The following DACH1 variants were observed in gnomAD, a reference collection of about 807,000 sequenced individuals.
DACH1 encodes dachshund family transcription factor 1, also known as dachshund homolog 1.
A neutral mutation model predicts 54.2 loss-of-function variants in DACH1; 12 were observed. That is an observed-to-expected ratio of 0.22 (90% confidence interval 0.14 to 0.36). The LOEUF is 0.36. Among genes scored for constraint, DACH1 ranks in the 10% least tolerant of loss-of-function variants. The probability of loss-of-function intolerance (pLI) is 1.00; values close to 1 mark genes in which losing one functional copy is unlikely to be tolerated. For missense variants in DACH1, 805 were observed against 929.8 expected, an observed-to-expected ratio of 0.87 and a Z score of 1.75; for synonymous variants, 386 against 366.2, an observed-to-expected ratio of 1.05 and a Z score of -0.62.
chr13:71,756,209 T>A (rs1484241182), intron 1 of DACH1, among the ~76,000 whole-genome samples: 1 of 151,318 alleles, frequency 6.6e-6, no homozygotes, highest in African/African-American at 2.4e-5. Context: ...TTTTTTTTCT[T>A]TTTTTTTGTA....
At chr13:71,667,439 T>C (rs1879913807) in intron 2 of DACH1, among the ~76,000 whole-genome samples, 1 of 152,148 alleles carries the variant, frequency 6.6e-6, no homozygotes, top group Admixed American at 6.5e-5. Context: ...TGCTGACAGT[T>C]TTTATGATCA....
intron 1 of DACH1, among the ~76,000 whole-genome samples, chr13:71,719,354 C>T (rs1161045527): frequency 1.3e-5 from 2 of 152,098 alleles, no homozygotes; most frequent in Non-Finnish European, 2.9e-5. Context: ...ACATAGATCC[C>T]ATGTCTTACT....
At position 71,866,463 on chromosome 13, in the gene DACH1, T is replaced by TGCTGCC. The variant is rs1874794426; in HGVS notation, c.301_306dup (p.Gly101_Ser102dup). ...GCGGCCGCCAGGTTGGGGTTGCAGT[T>TGCTGCC]GCTGCCACCGCCGCCGCCGCCACCG... is the stretch of plus-strand genomic sequence containing the variant. On this transcript the variant is annotated inframe_insertion, in exon 1 of 11. Coordinates refer to ENST00000613252, the MANE Select transcript of DACH1 (RefSeq NM_080759.6). 5.4e-6 allele frequency: 7 copies of TGCTGCC among 1,284,452 alleles called. No homozygotes were observed. Among genetic ancestry groups the TGCTGCC allele is most frequent in the Non-Finnish European group, 6.9e-6 (7 of 1,013,218 alleles). 79.6% of individuals were successfully genotyped at this position (1,284,452 alleles called of 1,614,324 possible).
intron 3 of DACH1, among the ~76,000 whole-genome samples, chr13:71,606,160 TAAC>T (rs1315390769): frequency 2.0e-5 from 3 of 152,078 alleles, no homozygotes; most frequent in African/African-American, 7.2e-5. Flanking sequence ...TTATGCTGCT[TAAC>T]TATATATTGA....
At chr13:71,664,940 A>C (rs1202796755) in intron 2 of DACH1, among the ~76,000 whole-genome samples, 1 of 152,064 alleles carries the variant, frequency 6.6e-6, no homozygotes, top group Non-Finnish European at 1.5e-5. Context: ...CAATTGTGAC[A>C]TTGCTTTGAC....
intron 6 of DACH1, among the ~76,000 whole-genome samples, chr13:71,536,191 CTG>C (rs915586248): frequency 6.7e-6 from 1 of 149,842 alleles, no homozygotes; most frequent in Non-Finnish European, 1.5e-5. Context: ...ATTTAAATAA[CTG>C]TATCTTATTG....
At chr13:71,605,098 G>A (rs1213226984) in intron 3 of DACH1, among the ~76,000 whole-genome samples, 3 of 151,702 alleles carry the variant, frequency 2.0e-5, no homozygotes, top group Admixed American at 6.6e-5. Flanking sequence ...TCTAAGTAGT[G>A]GATTCCCTTA....
chr13:71,786,210 A>T (rs1434604711), intron 1 of DACH1, among the ~76,000 whole-genome samples: 1 of 152,204 alleles, frequency 6.6e-6, no homozygotes, highest in Non-Finnish European at 1.5e-5. Flanking sequence ...TAGTTTTTTA[A>T]AAATACAATT....
intron 2 of DACH1, among the ~76,000 whole-genome samples, chr13:71,656,433 T>C (rs1879093599): frequency 6.6e-6 from 1 of 152,124 alleles, no homozygotes; most frequent in Non-Finnish European, 1.5e-5. Context: ...AGTATATAGC[T>C]CCTTAACCCT....
intron 1 of DACH1, among the ~76,000 whole-genome samples, chr13:71,836,195 A>G (rs1853129733): frequency 6.6e-6 from 1 of 152,016 alleles, no homozygotes; most frequent in South Asian, 2.1e-4. Context: ...ATTATAGAGT[A>G]TTCTAGATAT....
At chr13:71,651,111 T>C (rs917902342) in intron 2 of DACH1, among the ~76,000 whole-genome samples, 21 of 152,112 alleles carry the variant, frequency 1.4e-4, no homozygotes, top group African/African-American at 5.1e-4. Context: ...AGACATACAA[T>C]TGCTATAGCA....
chr13:71,612,942 T>C (rs1476903744), intron 3 of DACH1, among the ~76,000 whole-genome samples: 1 of 152,230 alleles, frequency 6.6e-6, no homozygotes, highest in Non-Finnish European at 1.5e-5. Context: ...AATTGACTGA[T>C]AGTGCATGCC....
chr13:71,631,307 A>C (rs1235321755), intron 2 of DACH1, among the ~76,000 whole-genome samples: 1 of 152,178 alleles, frequency 6.6e-6, no homozygotes, highest in Non-Finnish European at 1.5e-5. Flanking sequence ...ACTCATTAGA[A>C]GTCTTCCCAT....
chr13:71,860,003 A>T (rs1265235916), intron 1 of DACH1, among the ~76,000 whole-genome samples: 1 of 151,790 alleles, frequency 6.6e-6, no homozygotes. Flanking sequence ...TTGCTGTTAC[A>T]CTTATCTGAG....
At chr13:71,846,356 A>G (rs1432016451) in intron 1 of DACH1, 2 of 156,512 alleles carry the variant, frequency 1.3e-5, no homozygotes, top group Non-Finnish European at 2.8e-5. Context: ...GATTTGTCAA[A>G]TCGGCCGGGC....
At chr13:71,745,967 C>T (rs1884585647) in intron 1 of DACH1, among the ~76,000 whole-genome samples, 2 of 152,186 alleles carry the variant, frequency 1.3e-5, no homozygotes, top group African/African-American at 4.8e-5. Context: ...AGCCTGTAAT[C>T]CCAGCACTTT....
intron 1 of DACH1, among the ~76,000 whole-genome samples, chr13:71,687,892 G>T (rs1163390920): frequency 3.9e-5 from 6 of 152,178 alleles, no homozygotes; most frequent in Admixed American, 3.9e-4. Context: ...TACAGTGTGA[G>T]CCACCGCACC....
At chr13:71,696,148 C>T (rs1881821776) in intron 1 of DACH1, among the ~76,000 whole-genome samples, 1 of 152,120 alleles carries the variant, frequency 6.6e-6, no homozygotes, top group African/African-American at 2.4e-5. Context: ...TCACCCCAAA[C>T]CTCAGCATCA....
intron 10 of DACH1, among the ~76,000 whole-genome samples, chr13:71,471,889 C>T (rs775195577): frequency 5.3e-5 from 8 of 152,236 alleles, no homozygotes; most frequent in Non-Finnish European, 1.0e-4. Context: ...ATAAAATGTA[C>T]GCGTATGTGC....
Sources: gnomAD v4.1 joint callset for allele counts (sites outside exome capture counted in the v4.1 genomes callset) on GRCh38, gnomAD v4.1.1 for gene constraint, MANE v1.5 for transcripts, NCBI Gene and HGNC (gene_info 2026-07-23, HGNC 2026-07-21) for gene names.